KLHL29: variants seen among roughly 807,000 people sequenced by gnomAD.
KLHL29 encodes the protein kelch-like protein 29.
KLHL29 carries 21 observed loss-of-function variants against 80.4 expected under a neutral mutation model. The observed-to-expected ratio is 0.26, with a 90% confidence interval of 0.19 to 0.38. The LOEUF (loss-of-function observed/expected upper bound fraction) is 0.38, where lower values mean the gene tolerates loss of function less well. KLHL29 is among the 10% of genes least tolerant of loss of function. KLHL29 has a pLI of 1.00. For synonymous variants in KLHL29, 511 were observed against 526.8 expected, an observed-to-expected ratio of 0.97 and a Z score of 0.41; for missense variants, 867 against 1,223.9, an observed-to-expected ratio of 0.71 and a Z score of 4.35.
intron 5 of KLHL29, among the ~76,000 whole-genome samples, chr2:23,645,109 G>GT (rs1284542162): frequency 6.6e-6 from 1 of 152,116 alleles, no homozygotes; most frequent in East Asian, 1.9e-4. Context: ...GCCTGGGTGG[G>GT]TTTTTTCTTT....
intron 2 of KLHL29, among the ~76,000 whole-genome samples, chr2:23,495,466 G>A (rs1665234420): frequency 6.6e-6 from 1 of 152,184 alleles, no homozygotes; most frequent in African/African-American, 2.4e-5. Flanking sequence ...TTTCATGAAT[G>A]TCTGAAATGT....
intron 1 of KLHL29, among the ~76,000 whole-genome samples, chr2:23,408,791 G>A (rs529653457): frequency 1.2e-4 from 18 of 152,270 alleles, no homozygotes; most frequent in Non-Finnish European, 2.4e-4. Flanking sequence ...GAAGGAAAAC[G>A]GCCTCTCGTT....
intron 1 of KLHL29, among the ~76,000 whole-genome samples, chr2:23,404,567 A>G (rs1666679052): frequency 6.6e-6 from 1 of 152,238 alleles, no homozygotes; most frequent in Admixed American, 6.5e-5. Flanking sequence ...CACGCCCACA[A>G]GAGGGCATTT....
chr2:23,619,143 G>A (rs1384215482), intron 3 of KLHL29, among the ~76,000 whole-genome samples: 4 of 152,208 alleles, frequency 2.6e-5, no homozygotes, highest in African/African-American at 9.7e-5. Context: ...CTCCCTAGAC[G>A]TGGTGTCCAC....
At chr2:23,443,794 C>T (rs1220646888) in intron 1 of KLHL29, among the ~76,000 whole-genome samples, 1 of 152,180 alleles carries the variant, frequency 6.6e-6, no homozygotes, top group Non-Finnish European at 1.5e-5. Context: ...AAGGGATGAA[C>T]ATGAGGCGAT....
intron 1 of KLHL29, among the ~76,000 whole-genome samples, chr2:23,422,971 C>A (rs1321118460): frequency 6.6e-6 from 1 of 152,248 alleles, no homozygotes; most frequent in East Asian, 1.9e-4. Context: ...CCATTTATGC[C>A]CCTATTGCTT....
intron 3 of KLHL29, among the ~76,000 whole-genome samples, chr2:23,591,193 T>G (rs1197202739): frequency 6.6e-6 from 1 of 151,692 alleles, no homozygotes; most frequent in African/African-American, 2.4e-5. Flanking sequence ...AGGCCAGGGG[T>G]GAAAAGGAGC....
intron 1 of KLHL29, among the ~76,000 whole-genome samples, chr2:23,426,489 G>C (rs980992450): frequency 5.3e-5 from 8 of 152,134 alleles, no homozygotes; most frequent in Admixed American, 3.9e-4. Flanking sequence ...TCTGCCCCTC[G>C]GGGTCTCCCA....
chr2:23,486,090 G>C (rs893738092), intron 2 of KLHL29, among the ~76,000 whole-genome samples: 1 of 152,156 alleles, frequency 6.6e-6, no homozygotes, highest in African/African-American at 2.4e-5. Context: ...GGGGATGTCT[G>C]TCTGTTCCCA....
intron 1 of KLHL29, among the ~76,000 whole-genome samples, chr2:23,449,781 T>C (rs1417614131): frequency 6.6e-6 from 1 of 152,116 alleles, no homozygotes; most frequent in African/African-American, 2.4e-5. Context: ...ACCTCTCCAA[T>C]GGCCCATACA....
chr2:23,558,269 G>C (rs1405500590), intron 2 of KLHL29, among the ~76,000 whole-genome samples: 1 of 152,154 alleles, frequency 6.6e-6, no homozygotes, highest in Non-Finnish European at 1.5e-5. Context: ...TGATGATCAC[G>C]AGCCCCTTGT....
chr2:23,517,564 C>A (rs1189787857), intron 2 of KLHL29, among the ~76,000 whole-genome samples: 3 of 152,204 alleles, frequency 2.0e-5, no homozygotes, highest in East Asian at 3.8e-4. Flanking sequence ...ATAAATAGAA[C>A]CTAACTAATA....
chr2:23,432,851 T>C (rs1227230742), intron 1 of KLHL29, among the ~76,000 whole-genome samples: 1 of 152,204 alleles, frequency 6.6e-6, no homozygotes, highest in Non-Finnish European at 1.5e-5. Flanking sequence ...TCACTCAGGT[T>C]TCCATTGGCT....
At chr2:23,444,370 C>A (rs1663616556) in intron 1 of KLHL29, among the ~76,000 whole-genome samples, 1 of 152,070 alleles carries the variant, frequency 6.6e-6, no homozygotes, top group Non-Finnish European at 1.5e-5. Flanking sequence ...GTTGCCCAGG[C>A]CTGGAGTGCA....
At chr2:23,705,076 T>C (rs1026612442) in intron 13 of KLHL29, among the ~76,000 whole-genome samples, 1 of 152,242 alleles carries the variant, frequency 6.6e-6, no homozygotes, top group Non-Finnish European at 1.5e-5. Context: ...CATACTTCCA[T>C]GTCATGTACC....
rs1218659997 is a variant in KLHL29, at chr2:23,438,038, T to C, written c.-153-37522T>C. ...AGAGGTCCTTCACATCCCTTGTAAG[T>C]TGGATTCCTAAGTATTTTATTCTCT... On this transcript the variant is annotated intron_variant, in intron 1 of 13. Coordinates refer to ENST00000486442, the MANE Select transcript of KLHL29 (RefSeq NM_052920.2). 2.0e-5 allele frequency among the ~76,000 whole-genome samples: 3 copies of C among 151,922 alleles called. No homozygotes were observed. The East Asian group carries it at 5.8e-4, about 29-fold the overall frequency.
chr2:23,385,297 C>CCGGCCCCGGCTCCGCAGCGCCCGTCCG lies in KLHL29; in HGVS notation c.-635_-609dup, dbSNP rs1666143574. On this transcript the variant is annotated 5_prime_UTR_variant, in exon 1 of 14. Coordinates refer to ENST00000486442, the MANE Select transcript of KLHL29 (RefSeq NM_052920.2). The stretch of plus-strand genomic sequence containing the variant: ...CGCGGATCTCGCCGCAGCTCCAGCC[C>CCGGCCCCGGCTCCGCAGCGCCCGTCCG]CGGCCCCGGCTCCGCAGCGCCCGTC... 6.8e-6 allele frequency: 1 copy of CCGGCCCCGGCTCCGCAGCGCCCGTCCG among 146,600 alleles called. No homozygotes were observed. Among genetic ancestry groups the CCGGCCCCGGCTCCGCAGCGCCCGTCCG allele is most frequent in the Non-Finnish European group, 1.5e-5 (1 of 65,664 alleles). 9.1% of individuals were successfully genotyped at this position (146,600 alleles called of 1,614,324 possible). A position where few individuals can be genotyped will look rare whatever the true frequency, so the allele number is the denominator to read the frequency against.
intron 11 of KLHL29, among the ~76,000 whole-genome samples, chr2:23,702,114 C>T (rs1363718813): frequency 8.5e-5 from 13 of 152,076 alleles, no homozygotes; most frequent in African/African-American, 1.4e-4. Context: ...TGAGCCATCG[C>T]GCCCAGCCCA....
At chr2:23,505,179 G>T (rs1299866660) in intron 2 of KLHL29, among the ~76,000 whole-genome samples, 1 of 152,204 alleles carries the variant, frequency 6.6e-6, no homozygotes, top group Non-Finnish European at 1.5e-5. Flanking sequence ...ACTTTCTGCT[G>T]CTAGGGGCCT....
Sources: allele counts gnomAD v4.1 joint callset (sites outside exome capture counted in the v4.1 genomes callset), GRCh38; gene constraint gnomAD v4.1.1; transcripts MANE v1.5; gene names NCBI Gene and HGNC (gene_info 2026-07-23, HGNC 2026-07-21).